The following RTN4 variants were observed in gnomAD, a reference collection of about 807,000 sequenced individuals.
The protein encoded by RTN4 is reticulon-4.
A neutral mutation model predicts 90.4 loss-of-function variants in RTN4; 32 were observed. The observed-to-expected ratio is 0.35, with a 90% confidence interval of 0.27 to 0.48. RTN4 has a LOEUF of 0.48. Among genes scored for constraint, RTN4 ranks in the 20% least tolerant of loss-of-function variants. RTN4 has a pLI of 0.99. For missense variants in RTN4, 1,706 were observed against 1,430.2 expected (o/e 1.19, Z -3.11); for synonymous variants, 629 against 552.5 (o/e 1.14, Z -1.94).
the RTN4 span, among the ~76,000 whole-genome samples, chr2:55,127,700 C>T: frequency 1.2e-4 from 19 of 152,164 alleles, no homozygotes; most frequent in African/African-American, 3.4e-4. Context: ...TGCCAAAGGA[C>T]GGAGCTAGAA....
chr2:54,997,783 G>A (rs1250743613), intron 3 of RTN4, among the ~76,000 whole-genome samples: 5 of 152,194 alleles, frequency 3.3e-5, no homozygotes, highest in African/African-American at 9.6e-5. Flanking sequence ...AGTACAATGA[G>A]ATATTTTGAG....
At chr2:55,104,447 G>A (rs1667906830) in intron 1 of RTN4, among the ~76,000 whole-genome samples, 1 of 151,918 alleles carries the variant, frequency 6.6e-6, no homozygotes, top group South Asian at 2.1e-4. Flanking sequence ...CCGCCTCCTG[G>A]GTTCATGATT....
At chr2:55,004,009 G>C (rs906639970) in intron 3 of RTN4, among the ~76,000 whole-genome samples, 2 of 152,066 alleles carry the variant, frequency 1.3e-5, no homozygotes, top group African/African-American at 4.8e-5. Context: ...ACAAATTTAA[G>C]AATTCTATTC....
chr2:55,026,156 C>G lies in RTN4; in HGVS notation c.1943G>C (p.Ser648Thr). Reference protein sequence around the residue: ...PLEASSVNYESIKHEPENPPP... With the variant: ...PLEASSVNYETIKHEPENPPP... ...GGGGTTTTCAGGCTCATGTTTTATG[C>G]TTTCATAATTAACTGAAGAAGCTTC... The change falls in exon 3 of 9, where the codon AGC becomes ACC. Residue 648 changes from serine to threonine, a missense_variant. Coordinates refer to ENST00000337526, the MANE Select transcript of RTN4 (RefSeq NM_020532.5). 6.2e-7 allele frequency: 1 copy of G among 1,613,170 alleles called. No individual in the cohort carries two copies. The highest frequency in any genetic ancestry group is 1.3e-5 in the African/African-American group (1 of 74,882).
At chr2:55,117,284 C>CA (rs756716239), upstream of RTN4, among the ~76,000 whole-genome samples, 15 of 152,220 alleles carry the variant, frequency 9.9e-5, no homozygotes, top group African/African-American at 1.4e-4. Flanking sequence ...GATCCAATGT[C>CA]ACACACTGGT....
chr2:55,012,569 G>A (rs1033622892), intron 3 of RTN4, among the ~76,000 whole-genome samples: 1 of 152,154 alleles, frequency 6.6e-6, no homozygotes, highest in Non-Finnish European at 1.5e-5. Context: ...AGCCAGATGG[G>A]CTATGTTTAT....
At chr2:54,974,878 G>C in intron 5 of RTN4, 114 bp from the exon 6 acceptor site, 1 of 793,724 alleles carries the variant, frequency 1.3e-6, no homozygotes, top group South Asian at 1.6e-5. Context: ...ACAACTTGAA[G>C]ACTGGGTAAA....
chr2:55,025,354 C>T lies in RTN4; in HGVS notation c.2745G>A (p.Leu915=). ...DGAGSLPCTE[L]PHDLSLKNIQ... ...TGTTCTTCAAAGAAAGGTCATGGGGCAATTCTGTGCAAGGCAATGACCCAG... is the reference window on the plus strand; with the variant it reads ...TGTTCTTCAAAGAAAGGTCATGGGGTAATTCTGTGCAAGGCAATGACCCAG... The change falls in exon 3 of 9, where the codon TTG becomes TTA. Residue 915 remains leucine, a synonymous_variant. Transcript: ENST00000337526. The T allele has an allele frequency of 6.2e-7, 1 of 1,613,950 alleles. No homozygotes were observed.
intron 1 of RTN4, among the ~76,000 whole-genome samples, chr2:55,084,846 G>A (rs568473925): frequency 5.9e-5 from 9 of 152,106 alleles, no homozygotes; most frequent in South Asian, 4.2e-4. Flanking sequence ...GTGCAATGGC[G>A]CAATCACAGC....
chr2:55,009,892 AAACAG>A (rs1680506872), intron 3 of RTN4, among the ~76,000 whole-genome samples: 1 of 152,242 alleles, frequency 6.6e-6, no homozygotes, highest in African/African-American at 2.4e-5. Context: ...AATGCCAGTG[AAACAG>A]AACAGCATGA....
chr2:55,114,343 A>C (rs2920845), upstream of RTN4, among the ~76,000 whole-genome samples: 148,085 of 152,248 alleles, frequency 0.97, 72,060 homozygotes, highest in African/African-American at 0.98. Context: ...CTTCTCTATG[A>C]AGGGGATGGA....
At chr2:55,121,779 AT>A in the RTN4 span, among the ~76,000 whole-genome samples, 2 of 152,214 alleles carry the variant, frequency 1.3e-5, no homozygotes, top group Admixed American at 1.3e-4. Context: ...TTTTTATAAA[AT>A]AACCTGAAAT....
At chr2:55,106,706 G>C (rs1437778672) in intron 1 of RTN4, among the ~76,000 whole-genome samples, 10 of 152,022 alleles carry the variant, frequency 6.6e-5, no homozygotes, top group Non-Finnish European at 1.5e-4. Context: ...TTTTAGTAGA[G>C]ATGGGGTTTC....
chr2:54,976,206 C>G (rs1034118789), intron 5 of RTN4, among the ~76,000 whole-genome samples: 6 of 152,156 alleles, frequency 3.9e-5, no homozygotes, highest in Non-Finnish European at 7.4e-5. Flanking sequence ...CAAACACAAG[C>G]TAAAATAACT....
At chr2:55,112,629 C>G (rs563506387), upstream of RTN4, 38 of 152,494 alleles carry the variant, frequency 2.5e-4, no homozygotes, top group African/African-American at 8.2e-4. Flanking sequence ...CCTGCTGGAA[C>G]CTGACCCTGA....
intron 3 of RTN4, among the ~76,000 whole-genome samples, chr2:54,992,200 G>C (rs1679065497): frequency 6.6e-6 from 1 of 152,142 alleles, no homozygotes; most frequent in African/African-American, 2.4e-5. Context: ...GCTTGAAAGA[G>C]TGAAACCCAG....
At chr2:55,039,291 A>G (rs1490554601) in intron 1 of RTN4, among the ~76,000 whole-genome samples, 1 of 152,228 alleles carries the variant, frequency 6.6e-6, no homozygotes, top group Non-Finnish European at 1.5e-5. Flanking sequence ...TAAAAACATT[A>G]AGGTGAAAAA....
intron 1 of RTN4, among the ~76,000 whole-genome samples, chr2:55,038,933 C>A (rs914650760): frequency 3.3e-5 from 5 of 152,228 alleles, no homozygotes; most frequent in African/African-American, 1.2e-4. Flanking sequence ...GAACAAATTA[C>A]TGATACCTGC....
Position 55,068,518 on chromosome 2 carries a change from T to C in RTN4, c.-63+11971A>G, listed in dbSNP as rs57734352. On this transcript the variant is annotated intron_variant, in intron 2 of 3. Transcript: ENST00000427710. ...TCAAAATTTTAGTTGAAAACCCAAA[T>C]TTTATCTTTAATAAACTACTGTCAG... 3.6e-3 allele frequency among the ~76,000 whole-genome samples: 551 copies of C among 152,124 alleles called. 4 individuals carry two copies. The highest frequency in any genetic ancestry group is 0.013 in the African/African-American group (526 of 41,520).
Sources: allele counts gnomAD v4.1 joint callset (sites outside exome capture counted in the v4.1 genomes callset), GRCh38; gene constraint gnomAD v4.1.1; transcripts MANE v1.5; gene names NCBI Gene and HGNC (gene_info 2026-07-23, HGNC 2026-07-21).